The following SLC25A53 variants were observed in gnomAD, a reference collection of about 807,000 sequenced individuals.
The protein encoded by SLC25A53 is solute carrier family 25 member 53, also known as mitochondrial carrier triple repeat protein 6.
In SLC25A53, 5 loss-of-function variants were observed where a neutral mutation model predicts 15.0. That is an observed-to-expected ratio of 0.33 (90% CI 0.17 to 0.70). The LOEUF (loss-of-function observed/expected upper bound fraction) is 0.70. Ranked by LOEUF, SLC25A53 falls within the 30% of genes least tolerant of loss-of-function variation. SLC25A53 has a pLI of 0.67. For synonymous variants in SLC25A53, 95 were observed against 100.0 expected (o/e 0.95, Z 0.30); for missense variants, 216 against 241.6 (o/e 0.89, Z 0.70).
chrX:104,144,902 C>T (rs782475543), intron 1 of SLC25A53, among the ~76,000 whole-genome samples: 19 of 111,317 alleles, frequency 1.7e-4, no homozygotes, highest in African/African-American at 5.9e-4. Flanking sequence ...ATTAGATCAA[C>T]GAGACAGAAA....
rs879994883 is a variant in SLC25A53, at chrX:104,114,054, G to A, written c.-31-8766C>T. 1.1e-5 allele frequency: 13 copies of A among 1,206,402 alleles called. No individual in the cohort carries two copies. In the East Asian group the frequency reaches 2.4e-4, roughly 22 times the overall value. On this transcript the variant is annotated intron_variant, in intron 1 of 1. Transcript: ENST00000594199. ...TTGCTTTGGAGAATCCTGCAGATAA[G>A]GCTTTTCCAAAAAGCGCGAGCATCT...
chrX:104,127,087 G>A (rs1434790530), intron 1 of SLC25A53, among the ~76,000 whole-genome samples: 1 of 112,149 alleles, frequency 8.9e-6, no homozygotes, highest in African/African-American at 3.2e-5. Flanking sequence ...ATTGCAAAAC[G>A]AGGAAACAAC....
chrX:104,139,974 C>T (rs2075446870), intron 1 of SLC25A53, among the ~76,000 whole-genome samples: 1 of 113,038 alleles, frequency 8.8e-6, no homozygotes, highest in African/African-American at 3.2e-5. Flanking sequence ...GGTAGATATT[C>T]CCATTTTACA....
intron 1 of SLC25A53, among the ~76,000 whole-genome samples, chrX:104,116,246 C>A (rs1404871055): frequency 9.0e-6 from 1 of 111,368 alleles, no homozygotes; most frequent in Non-Finnish European, 1.9e-5. Flanking sequence ...GACATGTGAC[C>A]TCTATCCCTG....
At position 104,104,784 on chromosome X, in the gene SLC25A53, G is replaced by A. The variant is rs1556354962; in HGVS notation, c.474C>T (p.Leu158=). ...QARFPSTFSI[L]KEFNSYGLWG... ...AAAGCCCATAAGAATTGAATTCCTT[G>A]AGAATGCTGAAGGTGCTGGGGAAGC... The change falls in exon 2 of 2, where the codon CTC becomes CTT. Residue 158 remains leucine, a synonymous_variant. Transcript: ENST00000594199. 2.1e-5 allele frequency: 26 copies of A among 1,211,619 alleles called. 1 individual carries two copies. The highest frequency in any genetic ancestry group is 3.5e-5 in the African/African-American group (2 of 57,739).
intron 1 of SLC25A53, among the ~76,000 whole-genome samples, chrX:104,155,170 T>A (rs1247315561): frequency 1.8e-5 from 2 of 110,222 alleles, no homozygotes; most frequent in African/African-American, 3.3e-5. Context: ...ATTCTTTTTT[T>A]TTTTTTGAGA....
At chrX:104,138,251 A>AG (rs2075442048) in intron 1 of SLC25A53, among the ~76,000 whole-genome samples, 1 of 111,713 alleles carries the variant, frequency 9.0e-6, no homozygotes, top group African/African-American at 3.3e-5. Flanking sequence ...TACAAAAAAA[A>AG]AACAAAATTT....
intron 1 of SLC25A53, among the ~76,000 whole-genome samples, chrX:104,132,239 T>C (rs2075427277): frequency 8.9e-6 from 1 of 112,148 alleles, no homozygotes; most frequent in Non-Finnish European, 1.9e-5. Flanking sequence ...AGATATTTAA[T>C]GAGTTAAACT....
intron 1 of SLC25A53, among the ~76,000 whole-genome samples, chrX:104,110,570 C>A (rs1447706165): frequency 8.9e-6 from 1 of 112,182 alleles, no homozygotes. Context: ...TTCTAAACAT[C>A]AGGAGTCAAG....
rs781974757 is a variant in SLC25A53, at chrX:104,099,624, C to T, written c.*4710G>A. On this transcript the variant is annotated 3_prime_UTR_variant, in exon 2 of 2. Coordinates refer to ENST00000594199, the MANE Select transcript of SLC25A53 (RefSeq NM_001012755.5). ...GTCTAAAAAGCATTTAATGTTTGAA[C>T]ATCTGTAAAACAAAACTGTTGTTTA... is the stretch of plus-strand genomic sequence containing the variant. The T allele has an allele frequency of 6.5e-4, 73 of 112,157 alleles. No individual in the cohort carries two copies. Among genetic ancestry groups the T allele is most frequent in the African/African-American group, 2.3e-3 (72 of 30,891 alleles). The allele number at this position is 112,157 out of a possible 1,213,427, so 9.2% of individuals were successfully genotyped here.
intron 1 of SLC25A53, among the ~76,000 whole-genome samples, chrX:104,127,981 A>G (rs147744131): frequency 0.014 from 1,520 of 110,479 alleles, 15 homozygotes; most frequent in Non-Finnish European, 0.018. Context: ...ACAAAAAAAC[A>G]AACAAAAAAA....
chrX:104,099,415 A>C lies in SLC25A53; in HGVS notation c.*4919T>G, dbSNP rs558721155. On this transcript the variant is annotated 3_prime_UTR_variant, in exon 2 of 2. Transcript: ENST00000594199. ...ACAATTATTATACATCAATAAAACTAATGAACTGTAAAAATAAAACCTGCA... is the reference window on the plus strand; with the variant it reads ...ACAATTATTATACATCAATAAAACTCATGAACTGTAAAAATAAAACCTGCA... 8.9e-6 allele frequency: 1 copy of C among 112,332 alleles called. No homozygotes were observed. Among genetic ancestry groups the C allele is most frequent in the South Asian group, 3.7e-4 (1 of 2,739 alleles). 9.3% of individuals were successfully genotyped at this position (112,332 alleles called of 1,213,427 possible).
At chrX:104,109,643 A>G (rs782382319) in intron 1 of SLC25A53, among the ~76,000 whole-genome samples, 1 of 112,092 alleles carries the variant, frequency 8.9e-6, no homozygotes, top group Non-Finnish European at 1.9e-5. Context: ...AAGAGTTTTC[A>G]TGGGCTTTGG....
rs1321671626 is a variant in SLC25A53, at chrX:104,104,249, G to C, written c.*85C>G. ...TAGATGCTAAAGGATGGCTGTATTA[G>C]GCAACCTAGCCAAAGAAGTAAGCTA... On this transcript the variant is annotated 3_prime_UTR_variant, in exon 2 of 2. Transcript: ENST00000594199. 8 of 930,391 alleles carry C rather than the reference G, an allele frequency of 8.6e-6. No individual in the cohort carries two copies. The highest frequency in any genetic ancestry group is 4.1e-4 in the Middle Eastern group (1 of 2,431). The allele number at this position is 930,391 out of a possible 1,213,427, so 76.7% of individuals were successfully genotyped here.
chrX:104,114,849 G>A, intron 1 of SLC25A53: 1 of 1,208,205 alleles, frequency 8.3e-7, no homozygotes, highest in Non-Finnish European at 1.1e-6. Context: ...CCAGCCCTGT[G>A]GCATTTCAGG....
intron 1 of SLC25A53, among the ~76,000 whole-genome samples, chrX:104,118,631 T>TA (rs1257776460): frequency 2.7e-5 from 3 of 112,595 alleles, no homozygotes; most frequent in Non-Finnish European, 3.7e-5. Flanking sequence ...TTTCAGATGA[T>TA]GAAACAGGCT....
chrX:104,134,264 T>C (rs1243236685), intron 1 of SLC25A53, among the ~76,000 whole-genome samples: 2 of 112,277 alleles, frequency 1.8e-5, no homozygotes, highest in African/African-American at 6.5e-5. Flanking sequence ...GAGACTTCTG[T>C]TGTTCCCCAA....
chrX:104,140,867 G>C (rs1230660858), intron 1 of SLC25A53, among the ~76,000 whole-genome samples: 1 of 111,519 alleles, frequency 9.0e-6, no homozygotes, highest in Non-Finnish European at 1.9e-5. Context: ...AGAGACAGGA[G>C]AAGGCCACCT....
chrX:104,110,596 A>C (rs187213786), intron 1 of SLC25A53, among the ~76,000 whole-genome samples: 1 of 112,201 alleles, frequency 8.9e-6, no homozygotes, highest in African/African-American at 3.2e-5. Context: ...GCCCCACAGA[A>C]GCCTCCTAGC....
Sources: gnomAD v4.1 joint callset for allele counts (sites outside exome capture counted in the v4.1 genomes callset) on GRCh38, gnomAD v4.1.1 for gene constraint, MANE v1.5 for transcripts, NCBI Gene and HGNC (gene_info 2026-07-23, HGNC 2026-07-21) for gene names.